The following MYO1E variants were observed in gnomAD, a reference collection of about 807,000 sequenced individuals.
MYO1E encodes the protein unconventional myosin-Ie.
MYO1E carries 68 observed loss-of-function variants against 151.1 expected under a neutral mutation model. The ratio of observed to expected loss-of-function variants is 0.45; its 90% CI spans 0.37 to 0.55. MYO1E has a LOEUF of 0.55. Among genes scored for constraint, MYO1E ranks in the 20% least tolerant of loss-of-function variants. The pLI, the probability that MYO1E is intolerant of heterozygous loss-of-function variation, is 0.00. For synonymous variants in MYO1E, 601 were observed against 501.7 expected, an observed-to-expected ratio of 1.20 and a Z score of -2.64; for missense variants, 1,363 against 1,389.3, an observed-to-expected ratio of 0.98 and a Z score of 0.30.
At chr15:59,236,298 G>A (rs1189894361) in intron 5 of MYO1E, among the ~76,000 whole-genome samples, 5 of 149,150 alleles carry the variant, frequency 3.4e-5, no homozygotes, top group African/African-American at 4.9e-5. Flanking sequence ...AGCCGAGATC[G>A]CGCCACTGCA....
At chr15:59,141,787 G>A (rs2079411006) in intron 26 of MYO1E, among the ~76,000 whole-genome samples, 1 of 111,154 alleles carries the variant, frequency 9.0e-6, no homozygotes, top group Non-Finnish European at 1.7e-5. Flanking sequence ...CACAGAGTAA[G>A]ACTTTGTCTC....
chr15:59,144,226 G>A (rs2079427742), intron 26 of MYO1E, among the ~76,000 whole-genome samples: 1 of 151,948 alleles, frequency 6.6e-6, no homozygotes. Flanking sequence ...GAGTGCAGTG[G>A]CATGATCTCG....
chr15:59,277,678 G>C (rs1046241926), intron 1 of MYO1E, among the ~76,000 whole-genome samples: 1 of 152,138 alleles, frequency 6.6e-6, no homozygotes, highest in Non-Finnish European at 1.5e-5. Context: ...CTGTAGCAAA[G>C]TTTGTAATAG....
intron 2 of MYO1E, among the ~76,000 whole-genome samples, chr15:59,267,426 T>C (rs976386210): frequency 7.2e-5 from 11 of 151,906 alleles, no homozygotes; most frequent in Admixed American, 5.2e-4. Flanking sequence ...GGGAGGTGAG[T>C]TGACTTCCCC....
intron 17 of MYO1E, among the ~76,000 whole-genome samples, chr15:59,195,052 T>A (rs983166070): frequency 2.0e-5 from 3 of 152,202 alleles, no homozygotes; most frequent in Non-Finnish European, 4.4e-5. Flanking sequence ...CATCAGCTCT[T>A]ACGCCCTCCA....
At chr15:59,202,470 C>A in intron 15 of MYO1E, 63 bp from the exon 16 acceptor site, 1 of 1,503,910 alleles carries the variant, frequency 6.6e-7, no homozygotes, top group Non-Finnish European at 9.3e-7. Context: ...GAAAGCCTGC[C>A]TTTCTAGAGG....
chr15:59,201,614 G>A (rs2079802720), intron 16 of MYO1E, among the ~76,000 whole-genome samples: 1 of 152,092 alleles, frequency 6.6e-6, no homozygotes, highest in African/African-American at 2.4e-5. Flanking sequence ...ATGTTGGTCA[G>A]GCTGGTCTTG....
At chr15:59,246,152 C>G (rs565516959) in intron 4 of MYO1E, among the ~76,000 whole-genome samples, 2 of 152,154 alleles carry the variant, frequency 1.3e-5, no homozygotes, top group South Asian at 4.2e-4. Flanking sequence ...GAGTCTTGCT[C>G]TGTCATCCAG....
At chr15:59,313,784 A>G (rs551260054) in intron 1 of MYO1E, among the ~76,000 whole-genome samples, 1 of 152,344 alleles carries the variant, frequency 6.6e-6, no homozygotes, top group Admixed American at 6.5e-5. Context: ...AGTGAATTAT[A>G]GGGAGAGAGG....
At chr15:59,214,388 GA>G (rs1328502007) in intron 11 of MYO1E, 74 bp from the exon 12 acceptor site, 1 of 1,156,978 alleles carries the variant, frequency 8.6e-7, no homozygotes, top group African/African-American at 1.5e-5. Context: ...GTGATTTATT[GA>G]AATGTCTTCA....
chr15:59,187,634 T>C (rs534400245), intron 18 of MYO1E, among the ~76,000 whole-genome samples: 1 of 152,318 alleles, frequency 6.6e-6, no homozygotes, highest in African/African-American at 2.4e-5. Flanking sequence ...GTACACAGAT[T>C]TTCATAGCAG....
intron 1 of MYO1E, among the ~76,000 whole-genome samples, chr15:59,293,555 A>AT (rs56108116): frequency 1.8e-4 from 28 of 151,990 alleles, no homozygotes; most frequent in Non-Finnish European, 3.2e-4. Flanking sequence ...AAAAAAAAAA[A>AT]CAAAATAAAA....
chr15:59,183,273 A>C (rs1262795727), intron 18 of MYO1E, among the ~76,000 whole-genome samples: 1 of 152,192 alleles, frequency 6.6e-6, no homozygotes, highest in Non-Finnish European at 1.5e-5. Flanking sequence ...AGGTAGAAGG[A>C]AGGAGGTCTT....
intron 1 of MYO1E, among the ~76,000 whole-genome samples, chr15:59,324,337 A>T (rs191628947): frequency 2.6e-5 from 4 of 152,228 alleles, no homozygotes; most frequent in Non-Finnish European, 4.4e-5. Flanking sequence ...AAGAAAATCA[A>T]TGACACTATC....
At chr15:59,142,506 C>G (rs1201251707) in intron 26 of MYO1E, among the ~76,000 whole-genome samples, 4 of 152,256 alleles carry the variant, frequency 2.6e-5, no homozygotes, top group African/African-American at 9.6e-5. Flanking sequence ...AGACCTGTTT[C>G]TGTCCTTCGT....
intron 5 of MYO1E, among the ~76,000 whole-genome samples, chr15:59,234,000 T>C (rs1206574845): frequency 6.6e-6 from 1 of 152,216 alleles, no homozygotes; most frequent in Admixed American, 6.5e-5. Context: ...TTTTCTCTTT[T>C]TACTTCTTTT....
intron 22 of MYO1E, among the ~76,000 whole-genome samples, chr15:59,168,699 C>T (rs1168897670): frequency 2.0e-5 from 3 of 152,236 alleles, no homozygotes; most frequent in East Asian, 1.9e-4. Flanking sequence ...TGACTCATTG[C>T]AGCCTTGACC....
chr15:59,298,643 A>G (rs1476164799), intron 1 of MYO1E, among the ~76,000 whole-genome samples: 5 of 152,162 alleles, frequency 3.3e-5, no homozygotes, highest in African/African-American at 7.2e-5. Context: ...CCTTGACTAC[A>G]GTGGCATTAA....
At chr15:59,313,585 G>A (rs1331966387) in intron 1 of MYO1E, among the ~76,000 whole-genome samples, 3 of 146,154 alleles carry the variant, frequency 2.1e-5, no homozygotes, top group African/African-American at 7.6e-5. Flanking sequence ...TCCTAGAGAT[G>A]AGGGTACATG....
Sources: gnomAD v4.1 joint callset for allele counts (sites outside exome capture counted in the v4.1 genomes callset) on GRCh38, gnomAD v4.1.1 for gene constraint, MANE v1.5 for transcripts, NCBI Gene and HGNC (gene_info 2026-07-23, HGNC 2026-07-21) for gene names.